FSTL5: variants seen among roughly 807,000 people sequenced by gnomAD.
FSTL5 encodes the protein follistatin like 5, also known as follistatin-related protein 5.
A neutral mutation model predicts 89.1 loss-of-function variants in FSTL5; 62 were observed. The observed-to-expected ratio is 0.70, with a 90% confidence interval of 0.57 to 0.86. FSTL5 has a LOEUF of 0.86. FSTL5 is among the 40% of genes least tolerant of loss of function. The pLI is 0.00. For synonymous variants in FSTL5, 383 were observed against 346.2 expected, an observed-to-expected ratio of 1.11 and a Z score of -1.18; for missense variants, 1,057 against 1,001.6, an observed-to-expected ratio of 1.06 and a Z score of -0.75.
At chr4:162,041,345 C>T (rs1390856404) in intron 2 of FSTL5, among the ~76,000 whole-genome samples, 7 of 151,800 alleles carry the variant, frequency 4.6e-5, no homozygotes, top group African/African-American at 1.5e-4. Flanking sequence ...AGTGTTGTTG[C>T]AGTAGTGCAG....
intron 4 of FSTL5, among the ~76,000 whole-genome samples, chr4:161,781,301 A>G (rs1462505939): frequency 6.6e-6 from 1 of 151,506 alleles, no homozygotes; most frequent in Non-Finnish European, 1.5e-5. Context: ...AACCAAAATT[A>G]TCTTGGTTAA....
intron 7 of FSTL5, among the ~76,000 whole-genome samples, chr4:161,594,473 T>C (rs1362383539): frequency 2.0e-5 from 3 of 152,106 alleles, no homozygotes; most frequent in Non-Finnish European, 4.4e-5. Context: ...CCCAATGATG[T>C]AAAAATTATC....
At position 161,601,329 on chromosome 4, in the gene FSTL5, G is replaced by GAAAAAAA. The variant is rs35261391; in HGVS notation, c.895-13761_895-13755dup. 1.3e-4 allele frequency among the ~76,000 whole-genome samples: 14 copies of GAAAAAAA among 107,540 alleles called. 7 individuals are homozygous for GAAAAAAA. The highest frequency in any genetic ancestry group is 1.4e-4 in the African/African-American group (4 of 27,610). 70.6% of individuals were successfully genotyped at this position (107,540 alleles called of 152,430 possible). ...AGTGACACAAAGTCTTAAATAGTTG[G>GAAAAAAA]AAAAAAAAAAAAAAAAAAAAAGGCA... is the stretch of plus-strand genomic sequence containing the variant. On this transcript the variant is annotated intron_variant, in intron 7 of 15. Transcript: ENST00000306100.
chr4:162,094,193 C>T (rs1730659923), intron 2 of FSTL5, among the ~76,000 whole-genome samples: 1 of 152,062 alleles, frequency 6.6e-6, no homozygotes, highest in Admixed American at 6.6e-5. Flanking sequence ...TTGAGACCAT[C>T]CTGGCTAACA....
chr4:161,723,191 G>T (rs2126753685), intron 6 of FSTL5, among the ~76,000 whole-genome samples: 1 of 152,234 alleles, frequency 6.6e-6, no homozygotes, highest in African/African-American at 2.4e-5. Context: ...CTAAAAGTCA[G>T]GCTTTATAAA....
chr4:161,945,675 C>T (rs1734714970), intron 3 of FSTL5, among the ~76,000 whole-genome samples: 1 of 152,150 alleles, frequency 6.6e-6, no homozygotes, highest in African/African-American at 2.4e-5. Context: ...TTGCTTGAAC[C>T]TGGAAGGTGG....
chr4:161,498,058 A>C (rs1438146490), intron 12 of FSTL5, among the ~76,000 whole-genome samples: 1 of 151,672 alleles, frequency 6.6e-6, no homozygotes, highest in Non-Finnish European at 1.5e-5. Context: ...TTTGTCCTAC[A>C]TCTCTATGTC....
intron 1 of FSTL5, among the ~76,000 whole-genome samples, chr4:162,141,727 T>C (rs958485882): frequency 3.3e-5 from 5 of 152,108 alleles, no homozygotes; most frequent in Non-Finnish European, 7.4e-5. Flanking sequence ...GTGATACTTA[T>C]GTTTGAGGGG....
At chr4:162,090,879 C>T (rs1730523420) in intron 2 of FSTL5, among the ~76,000 whole-genome samples, 1 of 151,834 alleles carries the variant, frequency 6.6e-6, no homozygotes, top group Non-Finnish European at 1.5e-5. Context: ...CTTTACATTC[C>T]TTTTTCTTAA....
intron 7 of FSTL5, among the ~76,000 whole-genome samples, chr4:161,617,739 T>G (rs1317449484): frequency 2.0e-5 from 3 of 152,316 alleles, no homozygotes; most frequent in African/African-American, 7.2e-5. Flanking sequence ...TTTAACTCAT[T>G]CATAGAAAGG....
intron 10 of FSTL5, among the ~76,000 whole-genome samples, chr4:161,520,556 T>G (rs533243380): frequency 1.3e-5 from 2 of 152,206 alleles, no homozygotes; most frequent in African/African-American, 4.8e-5. Context: ...TCAACTAAAT[T>G]GGCTTATCTT....
At chr4:161,734,201 G>A (rs1474141141) in intron 6 of FSTL5, among the ~76,000 whole-genome samples, 1 of 152,048 alleles carries the variant, frequency 6.6e-6, no homozygotes, top group Non-Finnish European at 1.5e-5. Flanking sequence ...AATTTTGTGA[G>A]TATTAATGGG....
rs192010285 is a variant in FSTL5 at position 161,779,911 on chromosome 4, C to T, written c.410-3837G>A. Among the ~76,000 whole-genome samples the T allele has an allele frequency of 4.3e-4, 63 of 146,248 alleles. No individual in the cohort carries two copies. The East Asian group carries it at 0.011, about 26-fold the overall frequency. On this transcript the variant is annotated intron_variant, in intron 4 of 15. Coordinates refer to ENST00000306100, the MANE Select transcript of FSTL5 (RefSeq NM_020116.5). ...GAAAGAACACACACACACATGCACA[C>T]ACAAATGTAGTATCTAAGAGGTAAC...
chr4:161,952,172 T>C (rs1254058586), intron 3 of FSTL5, among the ~76,000 whole-genome samples: 6 of 152,068 alleles, frequency 3.9e-5, no homozygotes, highest in African/African-American at 9.7e-5. Flanking sequence ...TGTGACACCA[T>C]CTGTCTCACC....
intron 3 of FSTL5, among the ~76,000 whole-genome samples, chr4:162,001,636 G>A (rs1277781757): frequency 5.7e-5 from 8 of 141,224 alleles, no homozygotes; most frequent in Non-Finnish European, 1.1e-4. Context: ...GTAAGTGTAA[G>A]AGTGTATATA....
chr4:161,448,012 G>A (rs748232266), intron 15 of FSTL5, among the ~76,000 whole-genome samples: 1 of 152,004 alleles, frequency 6.6e-6, no homozygotes, highest in Non-Finnish European at 1.5e-5. Flanking sequence ...GAGTGGAGAG[G>A]GGGAGTAAAA....
chr4:162,008,535 G>A (rs11945844), intron 3 of FSTL5, among the ~76,000 whole-genome samples: 7,552 of 151,848 alleles, frequency 0.05, 509 homozygotes, highest in African/African-American at 0.16. Flanking sequence ...TAAAACTCAT[G>A]CACCATTCTC....
intron 2 of FSTL5, among the ~76,000 whole-genome samples, chr4:162,077,270 T>C (rs1339183606): frequency 6.6e-6 from 1 of 151,712 alleles, no homozygotes; most frequent in Non-Finnish European, 1.5e-5. Context: ...ATGAGCCCAC[T>C]CCTACTCCCA....
intron 5 of FSTL5, among the ~76,000 whole-genome samples, chr4:161,771,959 G>T (rs1343759124): frequency 6.6e-6 from 1 of 152,134 alleles, no homozygotes; most frequent in Non-Finnish European, 1.5e-5. Context: ...GAGGTGGATT[G>T]AATGAGATCT....
Sources: allele counts gnomAD v4.1 joint callset (sites outside exome capture counted in the v4.1 genomes callset), GRCh38; gene constraint gnomAD v4.1.1; transcripts MANE v1.5; gene names NCBI Gene and HGNC (gene_info 2026-07-23, HGNC 2026-07-21).